MUC5AC: variants seen among roughly 807,000 people sequenced by gnomAD.
The protein encoded by MUC5AC is mucin-5AC.
A neutral mutation model predicts 169.7 loss-of-function variants in MUC5AC; 158 were observed. The ratio of observed to expected loss-of-function variants is 0.93; its 90% CI spans 0.82 to 1.06. MUC5AC has a LOEUF of 1.06. Among genes scored for constraint, MUC5AC ranks in the 50% least tolerant of loss-of-function variants. The pLI is 0.00. For synonymous variants in MUC5AC, 1,975 were observed against 1,237.0 expected (o/e 1.60, Z -12.52); for missense variants, 4,359 against 3,089.9 (o/e 1.41, Z -9.74).
intron 41 of MUC5AC, 82 bp from the exon 42 acceptor site, chr11:1,197,821 G>A: frequency 4.6e-6 from 3 of 648,124 alleles, no homozygotes; most frequent in Middle Eastern, 3.9e-4. Flanking sequence ...TAGGCGGTCC[G>A]CAATCCTAGA....
intron 24 of MUC5AC, 96 bp from the exon 25 acceptor site, chr11:1,178,348 G>C (rs1437719347): frequency 6.1e-5 from 22 of 358,826 alleles, no homozygotes; most frequent in Admixed American, 1.4e-4. Flanking sequence ...CGCAGGGCAG[G>C]GTGGCCCTGG....
intron 28 of MUC5AC, among the ~76,000 whole-genome samples, chr11:1,180,853 T>G (rs1860801284): frequency 6.6e-6 from 1 of 152,000 alleles, no homozygotes; most frequent in African/African-American, 2.4e-5. Context: ...GGATGCCCAT[T>G]AAAATCACCC....
chr11:1,169,051 TG>T, intron 15 of MUC5AC, 25 bp downstream of exon 15: 3 of 1,525,284 alleles, frequency 2.0e-6, no homozygotes, highest in Non-Finnish European at 1.8e-6. Context: ...GGCTCGCCTC[TG>T]TGCTGGCCGC....
chr11:1,181,253 G>A lies in MUC5AC; in HGVS notation c.3821-18G>A, dbSNP rs962530122. 1.0e-3 allele frequency: 413 copies of A among 398,550 alleles called. 4 individuals are homozygous for A. In the East Asian group the frequency reaches 0.015, roughly 14 times the overall value. The allele number at this position is 398,550 out of a possible 1,614,324, so 24.7% of individuals were successfully genotyped here. Reference sequence around the variant, plus strand: ...CTGCGCCCAGCCTCTGACGGGCCTGGGCCCTCCGTCCCCATAGCCTGTGTC... The same window carrying A: ...CTGCGCCCAGCCTCTGACGGGCCTGAGCCCTCCGTCCCCATAGCCTGTGTC... On this transcript the variant is annotated intron_variant, in intron 29 of 48. Coordinates refer to ENST00000621226, the MANE Select transcript of MUC5AC (RefSeq NM_001304359.2).
chr11:1,183,925 C>A lies in MUC5AC; in HGVS notation c.5780C>A (p.Ser1927Ter). 1 of 399,064 alleles carries A rather than the reference C, an allele frequency of 2.5e-6. No individual in the cohort carries two copies. The highest frequency in any genetic ancestry group is 1.3e-4 in the South Asian group (1 of 7,872). 24.7% of individuals were successfully genotyped at this position (399,064 alleles called of 1,614,324 possible). A position where few individuals can be genotyped will look rare whatever the true frequency, so the allele number is the denominator to read the frequency against. The change falls in exon 31 of 49, where the codon TCG becomes TAG. Residue 1927 changes from serine to a stop codon, truncating the protein, a stop_gained. Transcript: ENST00000621226. LOFTEE classifies it high-confidence loss of function. ...CCGGCAACATCAACATCATCCATGT[C>A]GACCACGGCCCCGGGGACCTCTGTG... ...PVPATSTSSMSTTAPGTSVVS... is the reference protein window; with the variant it reads ...PVPATSTSSM
chr11:1,185,742 A>G lies in MUC5AC; in HGVS notation c.7597A>G (p.Ser2533Gly), dbSNP rs1459817511. 1.4e-6 allele frequency: 1 copy of G among 739,768 alleles called. No homozygotes were observed. Among genetic ancestry groups the G allele is most frequent in the Non-Finnish European group, 2.5e-6 (1 of 402,548 alleles). The allele number at this position is 739,768 out of a possible 1,614,324, so 45.8% of individuals were successfully genotyped here. A position where few individuals can be genotyped will look rare whatever the true frequency, so the allele number is the denominator to read the frequency against. ...STTSGAGTTP[S>G]PVPTTSTTSA... ...AACCTCTGGTGCTGGAACTACTCCC[A>G]GCCCTGTTCCCACCACCAGCACAAC... The change falls in exon 31 of 49, where the codon AGC becomes GGC. Residue 2533 changes from serine (S) to glycine (G), a missense_variant. Ser to Gly is a moderately conservative substitution (Grantham distance 56). Coordinates refer to ENST00000621226, the MANE Select transcript of MUC5AC (RefSeq NM_001304359.2).
At position 1,189,349 on chromosome 11, in the gene MUC5AC, G is replaced by T. The variant is rs1861026126; in HGVS notation, c.11204G>T (p.Ser3735Ile). The T allele has an allele frequency of 1.8e-6, 1 of 564,018 alleles. No individual in the cohort carries two copies. Among genetic ancestry groups the T allele is most frequent in the Non-Finnish European group, 3.1e-6 (1 of 319,272 alleles). The allele number at this position is 564,018 out of a possible 1,614,324, so 34.9% of individuals were successfully genotyped here. A position where few individuals can be genotyped will look rare whatever the true frequency, so the allele number is the denominator to read the frequency against. Reference protein sequence around the residue: ...TSSTTSAPTTSTISAPTTSTI... With the variant: ...TSSTTSAPTTITISAPTTSTI... The stretch of plus-strand genomic sequence containing the variant: ...AGCACAACCTCGGCTCCTACCACCA[G>T]CACAATCTCTGCCCCTACAACCAGC... Residue 3735 changes from serine (S) to isoleucine (I), a missense_variant, in exon 31 of 49, where the codon AGC becomes ATC. Transcript: ENST00000621226.
Position 1,197,381 on chromosome 11 carries a change from T to C in MUC5AC, c.15862-87T>C, listed in dbSNP as rs56057650. The C allele has an allele frequency of 1.4e-3, 904 of 668,386 alleles. 5 individuals are homozygous for C. In the African/African-American group the frequency reaches 0.015, roughly 11 times the overall value. The allele number at this position is 668,386 out of a possible 1,614,324, so 41.4% of individuals were successfully genotyped here. On this transcript the variant is annotated intron_variant, in intron 40 of 48. Coordinates refer to ENST00000621226, the MANE Select transcript of MUC5AC (RefSeq NM_001304359.2). Reference sequence around the variant, plus strand: ...AGGCCACACGGCCTCCACACCTGGCTGCCCCGGCACTGCATGAGCCGGGGT... The same window carrying C: ...AGGCCACACGGCCTCCACACCTGGCCGCCCCGGCACTGCATGAGCCGGGGT...
intron 1 of MUC5AC, among the ~76,000 whole-genome samples, chr11:1,159,617 G>C (rs1860072850): frequency 2.4e-4 from 33 of 137,810 alleles, no homozygotes; most frequent in Middle Eastern, 4.3e-3. Flanking sequence ...GCGGGGCTGG[G>C]GTCTGGTCCC....
At position 1,165,360 on chromosome 11, in the gene MUC5AC, C is replaced by A. The variant is rs746543190; in HGVS notation, c.1188C>A (p.Cys396Ter). The A allele has an allele frequency of 3.1e-5, 50 of 1,612,340 alleles. No individual in the cohort carries two copies. The highest frequency in any genetic ancestry group is 3.6e-5 in the Non-Finnish European group (43 of 1,179,740). Reference sequence around the variant, plus strand: ...GTGTCCCTGTGTCAAAGTGTGCCTGCGTCTACAACGGGGCTGCCTATGCCC... The same window carrying A: ...GTGTCCCTGTGTCAAAGTGTGCCTGAGTCTACAACGGGGCTGCCTATGCCC... ...TGCVPVSKCA[C>*]VYNGAAYAPG... The change falls in exon 10 of 49, where the codon TGC becomes TGA. Residue 396 changes from cysteine (C) to a stop codon, truncating the protein, a stop_gained. Coordinates refer to ENST00000621226, the MANE Select transcript of MUC5AC (RefSeq NM_001304359.2). LOFTEE classifies it high-confidence loss of function.
At position 1,195,128 on chromosome 11, in the gene MUC5AC, C is replaced by T. The variant is rs1465580754; in HGVS notation, c.15307C>T (p.His5103Tyr). The change falls in exon 36 of 49, where the codon CAC (histidine) becomes TAC (tyrosine). Residue 5103 changes from histidine to tyrosine, a missense_variant. His to Tyr is a moderately conservative substitution (Grantham distance 83). Coordinates refer to ENST00000621226, the MANE Select transcript of MUC5AC (RefSeq NM_001304359.2). The stretch of plus-strand genomic sequence containing the variant: ...GAGCATACCCGACCAGCCAGCCTGC[C>T]ACCGGCCTCACCCGACGCCCACCAC... ...NVSIPDQPAC[H>Y]RPHPTPTTVG... is the part of the protein sequence containing the mutation. 1.3e-6 allele frequency: 1 copy of T among 763,010 alleles called. No homozygotes were observed. Among genetic ancestry groups the T allele is most frequent in the East Asian group, 2.4e-5 (1 of 41,234 alleles). 47.3% of individuals were successfully genotyped at this position (763,010 alleles called of 1,614,324 possible). A position where few individuals can be genotyped will look rare whatever the true frequency, so the allele number is the denominator to read the frequency against.
At chr11:1,163,839 T>C (rs1316792922) in intron 6 of MUC5AC, 43 bp from the exon 7 acceptor site, 32 of 1,485,146 alleles carry the variant, frequency 2.2e-5, no homozygotes, top group Non-Finnish European at 3.0e-5. Flanking sequence ...GGCTGACGGG[T>C]ACCGGGACCT....
intron 15 of MUC5AC, among the ~76,000 whole-genome samples, chr11:1,170,475 A>C (rs1860475818): frequency 7.7e-6 from 1 of 130,718 alleles, no homozygotes; most frequent in Non-Finnish European, 1.6e-5. Context: ...TCACCCATTC[A>C]CCCACTCACC....
In MUC5AC at chr11:1,195,176, T is replaced by G; in HGVS notation, c.15355T>G (p.Ser5119Ala). ...CACGGTCGGGCCCACCACAGTTGGGTCTACCACGGTCGGGCCCACCACAGT... is the reference window on the plus strand; with the variant it reads ...CACGGTCGGGCCCACCACAGTTGGGGCTACCACGGTCGGGCCCACCACAGT... ...PTTVGPTTVG[S>A]TTVGPTTVGS... Residue 5119 changes from serine to alanine, a missense_variant, in exon 36 of 49, where the codon TCT (serine) becomes GCT (alanine). Transcript: ENST00000621226. The G allele has an allele frequency of 1.3e-6, 1 of 762,592 alleles. No individual in the cohort carries two copies. Among genetic ancestry groups the G allele is most frequent in the Non-Finnish European group, 2.4e-6 (1 of 416,464 alleles). The allele number at this position is 762,592 out of a possible 1,614,324, so 47.2% of individuals were successfully genotyped here. A position where few individuals can be genotyped will look rare whatever the true frequency, so the allele number is the denominator to read the frequency against.
intron 2 of MUC5AC, among the ~76,000 whole-genome samples, chr11:1,161,158 C>T (rs1860130360): frequency 6.6e-6 from 1 of 152,194 alleles, no homozygotes; most frequent in Admixed American, 6.5e-5. Flanking sequence ...TTCAGGCAAA[C>T]TCTCAGATTG....
chr11:1,185,902 C>A lies in MUC5AC; in HGVS notation c.7757C>A (p.Thr2586Asn), dbSNP rs1860931333. The A allele has an allele frequency of 6.7e-6, 5 of 747,518 alleles. No homozygotes were observed. The East Asian group carries it at 9.9e-5, about 15-fold the overall frequency. The allele number at this position is 747,518 out of a possible 1,614,324, so 46.3% of individuals were successfully genotyped here. ...PTTSTTSAPT[T>N]STTSGPGTTP... ...ACGAGCACAACCTCTGCTCCTACAA[C>A]CAGCACAACCTCTGGTCCTGGAACT... Residue 2586 changes from threonine (T) to asparagine (N), a missense_variant, in exon 31 of 49, where the codon ACC (threonine) becomes AAC (asparagine). Physicochemically the swap from Thr to Asn is moderately conservative, Grantham distance 65. Coordinates refer to ENST00000621226, the MANE Select transcript of MUC5AC (RefSeq NM_001304359.2).
In MUC5AC at chr11:1,163,873, T is replaced by C; in HGVS notation, c.680-9T>C. 1 of 1,596,810 alleles carries C rather than the reference T, an allele frequency of 6.3e-7. No homozygotes were observed. The highest frequency in any genetic ancestry group is 1.1e-5 in the South Asian group (1 of 88,386). ...CTGCAGGCAGAGCCCGCCTCTGTGC[T>C]TGCCGCAGACACCAAGCTGACACCC... On this transcript the variant is annotated splice_polypyrimidine_tract_variant and intron_variant, in intron 6 of 48. Transcript: ENST00000621226.
chr11:1,170,191 T>TCACC (rs1860462977), intron 15 of MUC5AC, among the ~76,000 whole-genome samples: 3 of 27,706 alleles, frequency 1.1e-4, no homozygotes, highest in Non-Finnish European at 5.9e-5. Flanking sequence ...ATTCACCCAT[T>TCACC]CACTCACTCA....
intron 1 of MUC5AC, 114 bp from the exon 2 acceptor site, chr11:1,160,498 C>A: frequency 1.2e-6 from 1 of 843,550 alleles, no homozygotes; most frequent in South Asian, 1.5e-5. Flanking sequence ...CCACGGGCCA[C>A]CCCCACGCAC....
Sources: allele counts gnomAD v4.1 joint callset (sites outside exome capture counted in the v4.1 genomes callset), GRCh38; gene constraint gnomAD v4.1.1; transcripts MANE v1.5; gene names NCBI Gene and HGNC (gene_info 2026-07-23, HGNC 2026-07-21).